The following YPEL1 variants were observed in gnomAD, a reference collection of about 807,000 sequenced individuals.
YPEL1 encodes the protein yippee like 1, also known as protein yippee-like 1.
YPEL1 carries 7 observed loss-of-function variants against 17.3 expected under a neutral mutation model. That is an observed-to-expected ratio of 0.40 (90% CI 0.23 to 0.76). YPEL1 has a LOEUF of 0.76. Ranked by LOEUF, YPEL1 falls within the 30% of genes least tolerant of loss-of-function variation. YPEL1 has a pLI of 0.35. For synonymous variants in YPEL1, 59 were observed against 59.6 expected (o/e 0.99, Z 0.05); for missense variants, 91 against 155.5 (o/e 0.59, Z 2.21).
intron 1 of YPEL1, among the ~76,000 whole-genome samples, chr22:21,723,613 C>T (rs911487327): frequency 6.6e-6 from 1 of 151,994 alleles, no homozygotes; most frequent in Non-Finnish European, 1.5e-5. Flanking sequence ...GGTGATCCAC[C>T]ACCTCAGCCT....
chr22:21,706,300 G>A (rs779493784), intron 2 of YPEL1, among the ~76,000 whole-genome samples: 3 of 150,902 alleles, frequency 2.0e-5, no homozygotes, highest in African/African-American at 4.9e-5. Flanking sequence ...ATGGTGGTGC[G>A]TGCCTATAAT....
intron 1 of YPEL1, among the ~76,000 whole-genome samples, chr22:21,713,293 C>G (rs1193029004): frequency 6.6e-6 from 1 of 152,170 alleles, no homozygotes; most frequent in East Asian, 1.9e-4. Context: ...AACAGGGTCT[C>G]AAAGCCATGT....
Position 21,702,889 on chromosome 22 carries a change from G to A in YPEL1, c.270+481C>T, listed in dbSNP as rs564328226. Among the ~76,000 whole-genome samples the A allele has an allele frequency of 8.5e-5, 13 of 152,302 alleles. No individual in the cohort carries two copies. The South Asian group carries it at 1.0e-3, about 12-fold the overall frequency. Reference sequence around the variant, plus strand: ...AGGTGAAGGCTGGAGAGGAGGTGGCGATTGCAACCTTCAATTCAAGGTCCC... The same window carrying A: ...AGGTGAAGGCTGGAGAGGAGGTGGCAATTGCAACCTTCAATTCAAGGTCCC... On this transcript the variant is annotated intron_variant, in intron 4 of 4. Transcript: ENST00000339468.
chr22:21,730,992 T>C (rs1209529981), intron 1 of YPEL1, among the ~76,000 whole-genome samples: 1 of 152,190 alleles, frequency 6.6e-6, no homozygotes, highest in Non-Finnish European at 1.5e-5. Flanking sequence ...TCAAAGAACC[T>C]GTACTACATT....
chr22:21,718,879 G>C (rs2068253413), intron 1 of YPEL1, among the ~76,000 whole-genome samples: 1 of 152,080 alleles, frequency 6.6e-6, no homozygotes. Context: ...GCCTATATTG[G>C]ATATTCCTGA....
rs116994276 is a variant in YPEL1 at position 21,701,832 on chromosome 22, G to A, written c.271-614C>T. ...TCCAGCACTTTGGGAGGCCAAGGAAGGAGGATGACTTGAGTCCAGGAGTTT... is the reference window on the plus strand; with the variant it reads ...TCCAGCACTTTGGGAGGCCAAGGAAAGAGGATGACTTGAGTCCAGGAGTTT... On this transcript the variant is annotated intron_variant, in intron 4 of 4. Transcript: ENST00000339468. Among the ~76,000 whole-genome samples the A allele has an allele frequency of 3.8e-4, 58 of 152,342 alleles. No individual in the cohort carries two copies. In the East Asian group the frequency reaches 0.011, roughly 28 times the overall value.
In YPEL1 at chr22:21,722,617, G is replaced by C. The variant is rs551323892; in HGVS notation, c.-164-11709C>G. On this transcript the variant is annotated intron_variant, in intron 1 of 4. Coordinates refer to ENST00000339468, the MANE Select transcript of YPEL1 (RefSeq NM_013313.5). ...AGGCAACAGAGTGAGACTCTGTCTC[G>C]GGGGCAAAAAAAAAACAAAACAAGT... Among the ~76,000 whole-genome samples, 3 of 147,762 alleles carry C rather than the reference G, an allele frequency of 2.0e-5. No homozygotes were observed. In the South Asian group the frequency reaches 6.5e-4, roughly 32 times the overall value.
At chr22:21,710,593 A>G in intron 2 of YPEL1, 35 bp downstream of exon 2, 2 of 1,522,038 alleles carry the variant, frequency 1.3e-6, no homozygotes, top group Non-Finnish European at 1.8e-6. Flanking sequence ...ACAGATAATC[A>G]TTGTGCCATC....
chr22:21,705,270 C>A, intron 2 of YPEL1, among the ~76,000 whole-genome samples: 1 of 152,320 alleles, frequency 6.6e-6, no homozygotes, highest in Non-Finnish European at 1.5e-5. Context: ...TGAGCCACTG[C>A]GCCTGGCTTA....
At chr22:21,729,233 C>T (rs1569066674) in intron 1 of YPEL1, among the ~76,000 whole-genome samples, 1 of 151,844 alleles carries the variant, frequency 6.6e-6, no homozygotes. Flanking sequence ...ATCACTTAGG[C>T]CCAGGAGGGA....
chr22:21,721,944 A>G (rs895477594), intron 1 of YPEL1, among the ~76,000 whole-genome samples: 4 of 152,128 alleles, frequency 2.6e-5, no homozygotes, highest in African/African-American at 7.2e-5. Context: ...ACTTCTCTAG[A>G]TACCTCATGT....
rs1030880659 is a variant in YPEL1 at position 21,700,962 on chromosome 22, G to A, written c.*167C>T. Reference sequence around the variant, plus strand: ...CTGTGTACACGAAGAGGACAGATCCGAGGGACACCTTACCCACAGAGATGG... The same window carrying A: ...CTGTGTACACGAAGAGGACAGATCCAAGGGACACCTTACCCACAGAGATGG... On this transcript the variant is annotated 3_prime_UTR_variant, in exon 5 of 5. Transcript: ENST00000339468. 9.4e-5 allele frequency: 54 copies of A among 574,208 alleles called. No homozygotes were observed. In the East Asian group the frequency reaches 1.5e-3, roughly 16 times the overall value. 35.6% of individuals were successfully genotyped at this position (574,208 alleles called of 1,614,324 possible).
chr22:21,703,433 G>A lies in YPEL1; in HGVS notation c.207C>T (p.Thr69=), dbSNP rs773575429. The change falls in exon 4 of 5, where the codon ACC becomes ACT. Residue 69 remains threonine, a synonymous_variant. Transcript: ENST00000339468. This position sits in a 1 kb window ranked among gnomAD's most constrained non-coding sequence, Gnocchi z 6.1. ...CGPAEERVLL[T]GLHAVADIYC... is the part of the protein sequence containing the mutation. ...AGATGTCGGCAACCGCATGCAGCCC[G>A]GTGAGAAGGACCCTCTCCTCTGCAG... The A allele has an allele frequency of 4.3e-5, 70 of 1,612,700 alleles. No homozygotes were observed. Among genetic ancestry groups the A allele is most frequent in the South Asian group, 1.1e-4 (10 of 91,088 alleles).
chr22:21,716,201 G>A (rs999949371), intron 1 of YPEL1, among the ~76,000 whole-genome samples: 2 of 152,098 alleles, frequency 1.3e-5, no homozygotes, highest in African/African-American at 4.8e-5. Flanking sequence ...GAGCCACCGC[G>A]CCCAGACTAA....
intron 1 of YPEL1, among the ~76,000 whole-genome samples, chr22:21,728,499 C>A (rs8135616): frequency 6.6e-6 from 1 of 152,118 alleles, no homozygotes; most frequent in African/African-American, 2.4e-5. Context: ...CTAAGAGATG[C>A]GTGTCCTTAT....
At position 21,710,822 on chromosome 22, in the gene YPEL1, A is replaced by G; in HGVS notation, c.-78T>C. ...CTCTGCTGGCCTCTCTGACAAAAGC[A>G]ACACTGGAAAATGCACGCAAGAGCC... On this transcript the variant is annotated 5_prime_UTR_variant, in exon 2 of 5. Transcript: ENST00000339468. 2.3e-6 allele frequency: 3 copies of G among 1,296,220 alleles called. No homozygotes were observed. Among genetic ancestry groups the G allele is most frequent in the South Asian group, 2.4e-5 (2 of 84,532 alleles). The allele number at this position is 1,296,220 out of a possible 1,614,324, so 80.3% of individuals were successfully genotyped here. A position where few individuals can be genotyped will look rare whatever the true frequency, so the allele number is the denominator to read the frequency against.
At chr22:21,724,621 C>T (rs1200770468) in intron 1 of YPEL1, among the ~76,000 whole-genome samples, 10 of 150,704 alleles carry the variant, frequency 6.6e-5, no homozygotes, top group African/African-American at 1.5e-4. Context: ...CACTCTGTTG[C>T]CCAGGCTGGA....
chr22:21,702,363 G>A (rs1237599984), intron 4 of YPEL1, among the ~76,000 whole-genome samples: 2 of 152,208 alleles, frequency 1.3e-5, no homozygotes, highest in African/African-American at 4.8e-5. Flanking sequence ...GTCTTGTGGA[G>A]CCCGTTTCCA....
At chr22:21,712,367 TAA>T (rs34536579) in intron 1 of YPEL1, among the ~76,000 whole-genome samples, 10,531 of 130,504 alleles carry the variant, frequency 0.081, 1,212 homozygotes, top group African/African-American at 0.27. Flanking sequence ...TTGGAATATG[TAA>T]AAAAAAAAAA....
Sources: gnomAD v4.1 joint callset for allele counts (sites outside exome capture counted in the v4.1 genomes callset) on GRCh38, gnomAD v4.1.1 for gene constraint, Gnocchi (gnomAD v3.1) non-coding constraint, MANE v1.5 for transcripts, NCBI Gene and HGNC (gene_info 2026-07-23, HGNC 2026-07-21) for gene names.